Variants in DTNA observed in about 807,000 individuals in gnomAD.
DTNA encodes the protein dystrobrevin alpha, also known as dystrophin-related protein 3.
DTNA carries 43 observed loss-of-function variants against 100.7 expected under a neutral mutation model. The observed-to-expected ratio is 0.43, with a 90% CI of 0.33 to 0.55. The LOEUF (loss-of-function observed/expected upper bound fraction) is 0.55. Ranked by LOEUF, DTNA falls within the 20% of genes least tolerant of loss-of-function variation. DTNA has a pLI of 0.04. For missense variants in DTNA, 798 were observed against 953.9 expected, an observed-to-expected ratio of 0.84 and a Z score of 2.15; for synonymous variants, 349 against 347.9, an observed-to-expected ratio of 1.00 and a Z score of -0.04.
At chr18:34,565,135 A>T (rs1202613028) in intron 1 of DTNA, among the ~76,000 whole-genome samples, 2 of 152,246 alleles carry the variant, frequency 1.3e-5, no homozygotes, top group Non-Finnish European at 2.9e-5. Context: ...TAAGAATACA[A>T]CTGTGCTAAA....
intron 1 of DTNA, among the ~76,000 whole-genome samples, chr18:34,556,467 G>A (rs917053516): frequency 9.9e-5 from 15 of 151,428 alleles, no homozygotes; most frequent in African/African-American, 2.9e-4. Context: ...TCCTAGTCTC[G>A]ATGGTCTTTA....
At chr18:34,868,391 G>A (rs892396352) in intron 17 of DTNA, 6 of 811,762 alleles carry the variant, frequency 7.4e-6, no homozygotes, top group Non-Finnish European at 7.4e-6. Flanking sequence ...GCCCTATAGA[G>A]GCGGTTCTGC....
intron 1 of DTNA, among the ~76,000 whole-genome samples, chr18:34,698,617 A>T (rs969884237): frequency 6.6e-6 from 1 of 152,230 alleles, no homozygotes; most frequent in Non-Finnish European, 1.5e-5. Flanking sequence ...ATTAAGGAGT[A>T]TTGACTCACA....
At chr18:34,660,491 T>C (rs1285916152) in intron 1 of DTNA, among the ~76,000 whole-genome samples, 6 of 151,988 alleles carry the variant, frequency 3.9e-5, no homozygotes. Context: ...TATTTTGAAA[T>C]AGCCCTGCAA....
intron 3 of DTNA, among the ~76,000 whole-genome samples, chr18:34,790,244 G>A (rs1484011859): frequency 6.6e-6 from 1 of 152,130 alleles, no homozygotes; most frequent in Non-Finnish European, 1.5e-5. Context: ...TGTGCCACAT[G>A]CAACGCAGAA....
chr18:34,641,913 G>C (rs2059322704), intron 1 of DTNA, among the ~76,000 whole-genome samples: 1 of 152,112 alleles, frequency 6.6e-6, no homozygotes, highest in Non-Finnish European at 1.5e-5. Context: ...GAGTTTAAAA[G>C]TAATCCCTGA....
chr18:34,611,240 G>C (rs2054151262), intron 1 of DTNA, among the ~76,000 whole-genome samples: 1 of 152,078 alleles, frequency 6.6e-6, no homozygotes, highest in Non-Finnish European at 1.5e-5. Context: ...TGGTTTATTT[G>C]CTTACAACCT....
chr18:34,672,692 A>G (rs2076917057), intron 1 of DTNA, among the ~76,000 whole-genome samples: 3 of 152,228 alleles, frequency 2.0e-5, no homozygotes, highest in African/African-American at 7.2e-5. Flanking sequence ...GGAAGTATTC[A>G]TGCTGAATAT....
chr18:34,786,212 G>T (rs2094502788), intron 3 of DTNA, among the ~76,000 whole-genome samples: 1 of 152,108 alleles, frequency 6.6e-6, no homozygotes. Context: ...TTGGAACTTT[G>T]TTTGATAACT....
chr18:34,732,391 A>G (rs140833240), intron 1 of DTNA, among the ~76,000 whole-genome samples: 334 of 152,352 alleles, frequency 2.2e-3, no homozygotes, highest in African/African-American at 7.9e-3. Flanking sequence ...ATGCCAAGAC[A>G]GCGTGATCCA....
chr18:34,872,880 T>C (rs2096778975), intron 17 of DTNA, among the ~76,000 whole-genome samples: 1 of 152,200 alleles, frequency 6.6e-6, no homozygotes, highest in Non-Finnish European at 1.5e-5. Flanking sequence ...CCACAGTCCT[T>C]AGACTCAGCA....
At chr18:34,496,106 T>A (rs928144834) in intron 1 of DTNA, among the ~76,000 whole-genome samples, 1 of 151,748 alleles carries the variant, frequency 6.6e-6, no homozygotes, top group Non-Finnish European at 1.5e-5. Context: ...ACATTATAAG[T>A]AAAAAGAGAG....
chr18:34,870,254 T>C (rs1462969135), intron 17 of DTNA, among the ~76,000 whole-genome samples: 1 of 152,178 alleles, frequency 6.6e-6, no homozygotes, highest in Non-Finnish European at 1.5e-5. Flanking sequence ...ACCCTTATTC[T>C]CTTCTCTGTT....
chr18:34,891,570 C>T lies in DTNA; in HGVS notation c.*3836C>T, dbSNP rs939382471. The stretch of plus-strand genomic sequence containing the variant: ...TCACCTTCTCTTGCCTTGGGGGATG[C>T]ATGGTTTTTACCATTCTACTGTTTT... On this transcript the variant is annotated 3_prime_UTR_variant, in exon 23 of 23. Transcript: ENST00000444659. The T allele has an allele frequency of 6.6e-5, 10 of 152,040 alleles. No individual in the cohort carries two copies. Among genetic ancestry groups the T allele is most frequent in the African/African-American group, 2.2e-4 (9 of 41,396 alleles). The allele number at this position is 152,040 out of a possible 1,614,324, so 9.4% of individuals were successfully genotyped here. A position where few individuals can be genotyped will look rare whatever the true frequency, so the allele number is the denominator to read the frequency against.
intron 1 of DTNA, among the ~76,000 whole-genome samples, chr18:34,728,321 A>G (rs553176731): frequency 3.3e-5 from 5 of 152,238 alleles, no homozygotes; most frequent in Admixed American, 1.3e-4. Flanking sequence ...GAAAAGCAGT[A>G]TAGGAGAACA....
intron 11 of DTNA, among the ~76,000 whole-genome samples, chr18:34,832,835 T>A (rs1343739821): frequency 1.3e-5 from 2 of 152,240 alleles, no homozygotes; most frequent in Admixed American, 1.3e-4. Context: ...TGGATTTTTT[T>A]ATTATATTTA....
intron 1 of DTNA, among the ~76,000 whole-genome samples, chr18:34,694,607 A>G (rs1260461956): frequency 1.3e-5 from 2 of 152,272 alleles, no homozygotes; most frequent in Non-Finnish European, 2.9e-5. Context: ...TCTGTGTATA[A>G]TATGCCTTCA....
chr18:34,606,169 G>A (rs2053051909), intron 1 of DTNA, among the ~76,000 whole-genome samples: 1 of 152,018 alleles, frequency 6.6e-6, no homozygotes, highest in African/African-American at 2.4e-5. Context: ...CTGGGTATTT[G>A]CATGCATTAT....
chr18:34,871,625 G>A (rs2096766832), intron 17 of DTNA, among the ~76,000 whole-genome samples: 1 of 152,102 alleles, frequency 6.6e-6, no homozygotes, highest in African/African-American at 2.4e-5. Context: ...ATCCCACCGA[G>A]GCCACTTCCT....
Sources: allele counts gnomAD v4.1 joint callset (sites outside exome capture counted in the v4.1 genomes callset), GRCh38; gene constraint gnomAD v4.1.1; transcripts MANE v1.5; gene names NCBI Gene and HGNC (gene_info 2026-07-23, HGNC 2026-07-21).